RALYL: variants seen among roughly 807,000 people sequenced by gnomAD.
RALYL encodes RNA-binding Raly-like protein.
Under a neutral mutation model 35.1 loss-of-function variants are expected in RALYL, and 29 were observed. The ratio of observed to expected loss-of-function variants is 0.83; its 90% CI spans 0.61 to 1.13. RALYL has a LOEUF of 1.13. Among genes scored for constraint, RALYL ranks in the 50% most tolerant of loss-of-function variants. RALYL has a pLI of 0.00. For missense variants in RALYL, 359 were observed against 360.4 expected, an observed-to-expected ratio of 1.00 and a Z score of 0.03; for synonymous variants, 120 against 127.6, an observed-to-expected ratio of 0.94 and a Z score of 0.40.
At chr8:84,861,479 G>C (rs1838077641) in intron 5 of RALYL, among the ~76,000 whole-genome samples, 1 of 151,936 alleles carries the variant, frequency 6.6e-6, no homozygotes, top group Non-Finnish European at 1.5e-5. Flanking sequence ...AATTGATTGT[G>C]GTGAATATCA....
At chr8:84,198,182 T>C (rs1815887707) in intron 1 of RALYL, among the ~76,000 whole-genome samples, 1 of 152,190 alleles carries the variant, frequency 6.6e-6, no homozygotes, top group South Asian at 2.1e-4. Flanking sequence ...GAAAACATAA[T>C]TTCTCCAGCA....
chr8:84,841,314 A>C (rs1179361117), intron 4 of RALYL, among the ~76,000 whole-genome samples: 4 of 152,208 alleles, frequency 2.6e-5, no homozygotes, highest in African/African-American at 9.6e-5. Flanking sequence ...CAGGGGTTGC[A>C]ATCCTAGTCT....
chr8:84,856,972 G>A (rs1837145240), intron 5 of RALYL, among the ~76,000 whole-genome samples: 1 of 147,748 alleles, frequency 6.8e-6, no homozygotes, highest in African/African-American at 2.5e-5. Flanking sequence ...AGCTTGCAGT[G>A]AGCCGAGATT....
At chr8:84,788,478 A>C (rs1440409267) in intron 3 of RALYL, among the ~76,000 whole-genome samples, 1 of 152,322 alleles carries the variant, frequency 6.6e-6, no homozygotes, top group East Asian at 1.9e-4. Context: ...ATTTTCAGTG[A>C]AAAATGACAA....
chr8:84,447,323 T>C (rs2048961763), intron 1 of RALYL, among the ~76,000 whole-genome samples: 1 of 152,066 alleles, frequency 6.6e-6, no homozygotes, highest in African/African-American at 2.4e-5. Context: ...TCTTCGTGTC[T>C]GGATCCCTTC....
At chr8:84,839,903 G>A (rs977391196) in intron 4 of RALYL, among the ~76,000 whole-genome samples, 1 of 152,190 alleles carries the variant, frequency 6.6e-6, no homozygotes, top group African/African-American at 2.4e-5. Context: ...CTGCAGCTGA[G>A]GGTCCTGACT....
chr8:84,263,333 C>G (rs1319098582), intron 1 of RALYL, among the ~76,000 whole-genome samples: 1 of 152,054 alleles, frequency 6.6e-6, no homozygotes, highest in Non-Finnish European at 1.5e-5. Flanking sequence ...AGAAAACTTC[C>G]CATGTGTAAG....
intron 1 of RALYL, among the ~76,000 whole-genome samples, chr8:84,443,930 C>G (rs555452901): frequency 6.6e-6 from 1 of 152,214 alleles, no homozygotes; most frequent in African/African-American, 2.4e-5. Flanking sequence ...GAAACAGATA[C>G]TATGTGTCCA....
In RALYL at chr8:84,913,040, GTAGATAGATAGATAGA is replaced by G. The variant is rs1554650721; in HGVS notation, c.859-7819_859-7804del. Reference sequence around the variant, plus strand: ...GATGGATGGATGGATGGATAGGTAGGTAGATAGATAGATAGATAGATAGATAGATAGATAGATAGAT... The same window carrying G: ...GATGGATGGATGGATGGATAGGTAGGTAGATAGATAGATAGATAGATAGAT... On this transcript the variant is annotated intron_variant, in intron 8 of 8. Coordinates refer to ENST00000521268, the MANE Select transcript of RALYL (RefSeq NM_173848.7). Among the ~76,000 whole-genome samples, 5 of 130,142 alleles carry G rather than the reference GTAGATAGATAGATAGA, an allele frequency of 3.8e-5. No homozygotes were observed. In the East Asian group the frequency reaches 8.9e-4, roughly 23 times the overall value. 85.4% of individuals were successfully genotyped at this position (130,142 alleles called of 152,430 possible). A position where few individuals can be genotyped will look rare whatever the true frequency, so the allele number is the denominator to read the frequency against.
intron 1 of RALYL, among the ~76,000 whole-genome samples, chr8:84,192,055 A>G (rs1814021164): frequency 6.6e-6 from 1 of 152,228 alleles, no homozygotes; most frequent in African/African-American, 2.4e-5. Flanking sequence ...TGACTGAATG[A>G]TTTAACCCAA....
chr8:84,623,496 C>G (rs1256867461), intron 2 of RALYL, among the ~76,000 whole-genome samples: 2 of 152,080 alleles, frequency 1.3e-5, no homozygotes, highest in Non-Finnish European at 2.9e-5. Context: ...AAGTTACCAA[C>G]AGTAAGTAGA....
intron 1 of RALYL, among the ~76,000 whole-genome samples, chr8:84,220,946 T>C (rs898046146): frequency 5.9e-5 from 9 of 151,972 alleles, no homozygotes; most frequent in Non-Finnish European, 1.3e-4. Context: ...TACCAATATA[T>C]TTATATCATG....
intron 1 of RALYL, among the ~76,000 whole-genome samples, chr8:84,423,063 G>T (rs1488266698): frequency 4.0e-5 from 6 of 150,374 alleles, no homozygotes; most frequent in African/African-American, 1.5e-4. Context: ...TGTCTATTAG[G>T]TCTGCTTGGT....
chr8:84,669,871 A>C (rs1043092987), intron 2 of RALYL, among the ~76,000 whole-genome samples: 4 of 152,174 alleles, frequency 2.6e-5, no homozygotes, highest in Non-Finnish European at 5.9e-5. Flanking sequence ...TTTTCTGTCA[A>C]ACACCAAGTA....
At chr8:84,415,157 T>G (rs2044512876) in intron 1 of RALYL, among the ~76,000 whole-genome samples, 1 of 147,926 alleles carries the variant, frequency 6.8e-6, no homozygotes, top group African/African-American at 2.6e-5. Context: ...ATATTCTGCC[T>G]CTGTTTTTTT....
chr8:84,870,778 TA>T (rs916759714), intron 6 of RALYL, among the ~76,000 whole-genome samples: 1 of 152,034 alleles, frequency 6.6e-6, no homozygotes, highest in Non-Finnish European at 1.5e-5. Flanking sequence ...AAACCACATG[TA>T]ATAGCACAAA....
At chr8:84,536,516 TGACA>T (rs1169414973) in intron 2 of RALYL, among the ~76,000 whole-genome samples, 1 of 152,222 alleles carries the variant, frequency 6.6e-6, no homozygotes, top group East Asian at 1.9e-4. Context: ...AAGGACAGAT[TGACA>T]GACAGCCTGG....
At chr8:84,219,764 T>C (rs2131289525) in intron 1 of RALYL, among the ~76,000 whole-genome samples, 1 of 152,146 alleles carries the variant, frequency 6.6e-6, no homozygotes, top group South Asian at 2.1e-4. Flanking sequence ...TGACTGGGTC[T>C]AACAGGATAG....
intron 1 of RALYL, among the ~76,000 whole-genome samples, chr8:84,367,037 C>T (rs1854459738): frequency 6.6e-6 from 1 of 151,654 alleles, no homozygotes; most frequent in Non-Finnish European, 1.5e-5. Flanking sequence ...AAAAAACACT[C>T]CGTAGAAATT....
Sources: gnomAD v4.1 joint callset for allele counts (sites outside exome capture counted in the v4.1 genomes callset) on GRCh38, gnomAD v4.1.1 for gene constraint, MANE v1.5 for transcripts, NCBI Gene and HGNC (gene_info 2026-07-23, HGNC 2026-07-21) for gene names.